ABI1: variants seen among roughly 807,000 people sequenced by gnomAD.
ABI1 encodes Abelson interactor 1.
ABI1 carries 14 observed loss-of-function variants against 54.6 expected under a neutral mutation model. The observed-to-expected ratio is 0.26, with a 90% CI of 0.17 to 0.40. The LOEUF (loss-of-function observed/expected upper bound fraction) is 0.40. ABI1 is among the 10% of genes least tolerant of loss of function. The probability of loss-of-function intolerance (pLI) is 1.00; values close to 1 mark genes in which losing one functional copy is unlikely to be tolerated. For synonymous variants in ABI1, 194 were observed against 209.3 expected, an observed-to-expected ratio of 0.93 and a Z score of 0.63; for missense variants, 443 against 598.3, an observed-to-expected ratio of 0.74 and a Z score of 2.71.
At chr10:26,851,894 T>C (rs1283321509) in intron 1 of ABI1, among the ~76,000 whole-genome samples, 1 of 152,030 alleles carries the variant, frequency 6.6e-6, no homozygotes, top group Admixed American at 6.6e-5. Flanking sequence ...TTAAAATAGT[T>C]TGTGGTAAGT....
chr10:26,794,967 A>G (rs1843953270), intron 2 of ABI1, among the ~76,000 whole-genome samples: 1 of 151,930 alleles, frequency 6.6e-6, no homozygotes, highest in African/African-American at 2.4e-5. Context: ...AACATGGCGA[A>G]ATCCTGCCTC....
At chr10:26,849,018 C>T (rs143594189) in intron 1 of ABI1, among the ~76,000 whole-genome samples, 237 of 152,176 alleles carry the variant, frequency 1.6e-3, no homozygotes, top group African/African-American at 5.2e-3. Flanking sequence ...ATTCAGACTC[C>T]CATTAGCACA....
intron 7 of ABI1, among the ~76,000 whole-genome samples, chr10:26,761,185 C>A (rs1462668787): frequency 6.6e-6 from 1 of 151,974 alleles, no homozygotes; most frequent in African/African-American, 2.4e-5. Flanking sequence ...GCAATCCTCC[C>A]ACCTTGGCCT....
At position 26,748,359 on chromosome 10, in the gene ABI1, T is replaced by C; in HGVS notation, c.*211A>G. On this transcript the variant is annotated 3_prime_UTR_variant, in exon 11 of 11. Transcript: ENST00000376140. Reference sequence around the variant, plus strand: ...TAAGTAAGTACATAAGCATAATCAGTTATGGACAGCTTCTTGTATAAATTG... The same window carrying C: ...TAAGTAAGTACATAAGCATAATCAGCTATGGACAGCTTCTTGTATAAATTG... 2.1e-6 allele frequency: 1 copy of C among 467,834 alleles called. No individual in the cohort carries two copies. Among genetic ancestry groups the C allele is most frequent in the Non-Finnish European group, 3.8e-6 (1 of 262,756 alleles). The allele number at this position is 467,834 out of a possible 1,614,324, so 29.0% of individuals were successfully genotyped here.
At chr10:26,842,908 G>A (rs1211806923) in intron 1 of ABI1, among the ~76,000 whole-genome samples, 2 of 152,080 alleles carry the variant, frequency 1.3e-5, no homozygotes, top group African/African-American at 4.8e-5. Context: ...GCCGGGCATG[G>A]TGGTGTGCAC....
At chr10:26,836,980 A>C (rs909584285) in intron 1 of ABI1, among the ~76,000 whole-genome samples, 1 of 152,184 alleles carries the variant, frequency 6.6e-6, no homozygotes, top group Non-Finnish European at 1.5e-5. Context: ...AGATCTACTA[A>C]AGTAATTCTC....
rs371658868 is a variant in ABI1, at chr10:26,765,585, C to T, written c.720-267G>A. On this transcript the variant is annotated intron_variant, in intron 6 of 10. Coordinates refer to ENST00000376140, the MANE Select transcript of ABI1 (RefSeq NM_001012750.3). ...TCCCATGAATACTGTATTTTCAACCCGAGACTGCCTTACTCTGGGGATGCA... is the reference window on the plus strand; with the variant it reads ...TCCCATGAATACTGTATTTTCAACCTGAGACTGCCTTACTCTGGGGATGCA... Among the ~76,000 whole-genome samples the T allele has an allele frequency of 7.0e-4, 104 of 149,262 alleles. 1 individual carries two copies. The highest frequency in any genetic ancestry group is 2.4e-3 in the African/African-American group (99 of 40,590).
intron 2 of ABI1, among the ~76,000 whole-genome samples, chr10:26,798,335 G>A (rs1844454181): frequency 6.6e-6 from 1 of 152,048 alleles, no homozygotes; most frequent in Non-Finnish European, 1.5e-5. Context: ...ATGAAATCAC[G>A]AGGGTCCTTA....
intron 7 of ABI1, among the ~76,000 whole-genome samples, chr10:26,760,890 A>T (rs1284674497): frequency 3.0e-5 from 1 of 33,860 alleles, no homozygotes; most frequent in Non-Finnish European, 4.4e-5. Flanking sequence ...CTCCATCTCA[A>T]AAAAAAAAAA....
chr10:26,832,386 T>A (rs866590294), intron 1 of ABI1, among the ~76,000 whole-genome samples: 1 of 151,932 alleles, frequency 6.6e-6, no homozygotes, highest in Admixed American at 6.6e-5. Flanking sequence ...ATCAAGACCA[T>A]CCTGGCTAAC....
chr10:26,783,108 G>A (rs141910386), intron 2 of ABI1, among the ~76,000 whole-genome samples: 5 of 152,240 alleles, frequency 3.3e-5, no homozygotes, highest in East Asian at 1.9e-4. Context: ...ACATACAATA[G>A]AATAGTATTT....
intron 1 of ABI1, among the ~76,000 whole-genome samples, chr10:26,831,941 C>T (rs1006600786): frequency 1.2e-4 from 18 of 152,292 alleles, no homozygotes; most frequent in East Asian, 1.2e-3. Flanking sequence ...ATTCTGCAAA[C>T]GCTGATGAAG....
At chr10:26,761,915 C>G (rs576901328) in intron 7 of ABI1, among the ~76,000 whole-genome samples, 1 of 152,056 alleles carries the variant, frequency 6.6e-6, no homozygotes, top group African/African-American at 2.4e-5. Context: ...TTTGTGCTAT[C>G]AATACTACTG....
rs188667609 is a variant in ABI1 at position 26,851,699 on chromosome 10, G to A, written c.117+9048C>T. ...AGGACAGGATATGACCCACAGTTAG[G>A]ACTTTAGCTAGGAGGAAGAATGTCT... On this transcript the variant is annotated intron_variant, in intron 1 of 10. Transcript: ENST00000376140. Among the ~76,000 whole-genome samples, 254 of 151,504 alleles carry A rather than the reference G, an allele frequency of 1.7e-3. 1 individual carries two copies. The highest frequency in any genetic ancestry group is 2.7e-3 in the Non-Finnish European group (181 of 68,006).
At chr10:26,796,637 A>C (rs1475645177) in intron 2 of ABI1, among the ~76,000 whole-genome samples, 1 of 152,224 alleles carries the variant, frequency 6.6e-6, no homozygotes, top group Non-Finnish European at 1.5e-5. Flanking sequence ...AAGGATTTTC[A>C]TTAAATAAGT....
In ABI1 at chr10:26,844,189, C is replaced by G. The variant is rs1055284985; in HGVS notation, c.117+16558G>C. On this transcript the variant is annotated intron_variant, in intron 1 of 10. Coordinates refer to ENST00000376140, the MANE Select transcript of ABI1 (RefSeq NM_001012750.3). Reference sequence around the variant, plus strand: ...AACATGCCTTGCTATCTTTCTGTTCCTACTACCTATATATATCCCTTGCCT... The same window carrying G: ...AACATGCCTTGCTATCTTTCTGTTCGTACTACCTATATATATCCCTTGCCT... 1.2e-4 allele frequency among the ~76,000 whole-genome samples: 19 copies of G among 152,208 alleles called. No individual in the cohort carries two copies. In the East Asian group the frequency reaches 3.5e-3, roughly 28 times the overall value.
At position 26,843,838 on chromosome 10, in the gene ABI1, G is replaced by T. The variant is rs549911471; in HGVS notation, c.117+16909C>A. 2.0e-5 allele frequency among the ~76,000 whole-genome samples: 3 copies of T among 151,734 alleles called. No individual in the cohort carries two copies. In the South Asian group the frequency reaches 6.2e-4, roughly 32 times the overall value. On this transcript the variant is annotated intron_variant, in intron 1 of 10. Transcript: ENST00000376140. ...ACTAACAATAAAGCCACTCATACAA[G>T]CAGTCCCCAAGTTATGACAATTAGC...
At chr10:26,852,369 C>G (rs1334585292) in intron 1 of ABI1, among the ~76,000 whole-genome samples, 2 of 152,076 alleles carry the variant, frequency 1.3e-5, no homozygotes, top group East Asian at 3.9e-4. Context: ...ATCCCAGCTA[C>G]TCAGGATGCC....
chr10:26,845,390 C>T (rs775732310), intron 1 of ABI1, among the ~76,000 whole-genome samples: 3 of 152,160 alleles, frequency 2.0e-5, no homozygotes, highest in African/African-American at 4.8e-5. Flanking sequence ...CACCTATAAT[C>T]GCAGCACTTT....
Sources: allele counts gnomAD v4.1 joint callset (sites outside exome capture counted in the v4.1 genomes callset), GRCh38; gene constraint gnomAD v4.1.1; transcripts MANE v1.5; gene names NCBI Gene and HGNC (gene_info 2026-07-23, HGNC 2026-07-21).